Variants in WDR82 observed in about 807,000 individuals in gnomAD.
The protein encoded by WDR82 is WD repeat-containing protein 82.
A neutral mutation model predicts 36.1 loss-of-function variants in WDR82; 8 were observed. That is an observed-to-expected ratio of 0.22 (90% CI 0.13 to 0.40). The LOEUF (loss-of-function observed/expected upper bound fraction) is 0.40. Among genes scored for constraint, WDR82 ranks in the 10% least tolerant of loss-of-function variants. WDR82 has a pLI of 1.00. For missense variants in WDR82, 185 were observed against 400.5 expected (o/e 0.46, Z 4.59); for synonymous variants, 129 against 137.8 (o/e 0.94, Z 0.45).
At chr3:52,263,905 T>C (rs1286868252) in intron 3 of WDR82, among the ~76,000 whole-genome samples, 1 of 152,248 alleles carries the variant, frequency 6.6e-6, no homozygotes, top group Non-Finnish European at 1.5e-5. Context: ...GGCTCATGCC[T>C]GTAATCCCAG....
chr3:52,264,920 T>C (rs1700092190), intron 3 of WDR82, among the ~76,000 whole-genome samples: 1 of 151,970 alleles, frequency 6.6e-6, no homozygotes, highest in South Asian at 2.1e-4. Context: ...CCTCCCAAAG[T>C]GCTGATAACA....
rs557708049 is a variant in WDR82, at chr3:52,270,631, A to C, written c.259+81T>G. 66 of 1,068,028 alleles carry C rather than the reference A, an allele frequency of 6.2e-5. 1 individual carries two copies. In the African/African-American group the frequency reaches 9.8e-4, roughly 16 times the overall value. 66.2% of individuals were successfully genotyped at this position (1,068,028 alleles called of 1,614,324 possible). ...AAATACTTAAACTAAAGTAGTCACA[A>C]AGCAGAAGTAGTCACAAAGATTCCA... On this transcript the variant is annotated intron_variant, in intron 2 of 8. Coordinates refer to ENST00000296490, the MANE Select transcript of WDR82 (RefSeq NM_025222.4).
At position 52,259,079 on chromosome 3, in the gene WDR82, C is replaced by T. The variant is rs952465251; in HGVS notation, c.769+118G>A. On this transcript the variant is annotated intron_variant, in intron 7 of 8. Coordinates refer to ENST00000296490, the MANE Select transcript of WDR82 (RefSeq NM_025222.4). Reference sequence around the variant, plus strand: ...GACACTATGTCCTTGGCATAATGTGCTATACAGAAATCTAAGAACATCTAT... The same window carrying T: ...GACACTATGTCCTTGGCATAATGTGTTATACAGAAATCTAAGAACATCTAT... 1.1e-5 allele frequency: 13 copies of T among 1,180,958 alleles called. No individual in the cohort carries two copies. The Admixed American group carries it at 1.3e-4, about 12-fold the overall frequency. The allele number at this position is 1,180,958 out of a possible 1,614,324, so 73.2% of individuals were successfully genotyped here.
intron 6 of WDR82, 42 bp from the exon 7 acceptor site, chr3:52,259,308 T>C: frequency 3.1e-6 from 5 of 1,600,866 alleles, no homozygotes; most frequent in Non-Finnish European, 4.3e-6. Flanking sequence ...TACAGAGCCA[T>C]TAATAAAAAC....
chr3:52,255,769 T>A lies in WDR82; in HGVS notation c.*1721A>T, dbSNP rs1233142235. ...CTGCAAGGAGTGTTGCCTGCATAAA[T>A]GTTTGTTTAGGAACTTAGTAAAATG... On this transcript the variant is annotated 3_prime_UTR_variant, in exon 9 of 9. Coordinates refer to ENST00000296490, the MANE Select transcript of WDR82 (RefSeq NM_025222.4). 6.6e-6 allele frequency: 1 copy of A among 152,206 alleles called. No individual in the cohort carries two copies. Among genetic ancestry groups the A allele is most frequent in the East Asian group, 1.9e-4 (1 of 5,198 alleles). 9.4% of individuals were successfully genotyped at this position (152,206 alleles called of 1,614,324 possible).
In WDR82 at chr3:52,256,698, C is replaced by T. The variant is rs1251936384; in HGVS notation, c.*792G>A. On this transcript the variant is annotated 3_prime_UTR_variant, in exon 9 of 9. Coordinates refer to ENST00000296490, the MANE Select transcript of WDR82 (RefSeq NM_025222.4). ...AAGCTTGGTAGGCACCCAGGAGGAC[C>T]GTGGGTTTGTCTTGATGACAGGGCA... is the stretch of plus-strand genomic sequence containing the variant. 5 of 153,728 alleles carry T rather than the reference C, an allele frequency of 3.3e-5. No individual in the cohort carries two copies. Among genetic ancestry groups the T allele is most frequent in the African/African-American group, 9.7e-5 (4 of 41,434 alleles). The allele number at this position is 153,728 out of a possible 1,614,324, so 9.5% of individuals were successfully genotyped here. A position where few individuals can be genotyped will look rare whatever the true frequency, so the allele number is the denominator to read the frequency against.
chr3:52,263,704 T>A (rs1700080853), intron 3 of WDR82, among the ~76,000 whole-genome samples: 1 of 152,092 alleles, frequency 6.6e-6, no homozygotes, highest in Non-Finnish European at 1.5e-5. Flanking sequence ...AAGAGTGAAC[T>A]AACAACAGAT....
At chr3:52,260,778 G>A (rs1253892235) in intron 4 of WDR82, among the ~76,000 whole-genome samples, 1 of 152,208 alleles carries the variant, frequency 6.6e-6, no homozygotes, top group Non-Finnish European at 1.5e-5. Flanking sequence ...CAATATTACA[G>A]ACACAGAATT....
intron 1 of WDR82, among the ~76,000 whole-genome samples, chr3:52,275,904 G>A (rs891550337): frequency 1.3e-5 from 2 of 152,030 alleles, no homozygotes; most frequent in African/African-American, 2.4e-5. Flanking sequence ...GAAAATCCAT[G>A]TTGAAGTGTT....
intron 2 of WDR82, among the ~76,000 whole-genome samples, chr3:52,269,703 C>T (rs905570801): frequency 6.6e-6 from 1 of 152,062 alleles, no homozygotes; most frequent in Non-Finnish European, 1.5e-5. Flanking sequence ...GCACTCCAGC[C>T]TAGGCAACAG....
chr3:52,266,384 TAG>T (rs948222710), intron 3 of WDR82, among the ~76,000 whole-genome samples: 2 of 152,100 alleles, frequency 1.3e-5, no homozygotes, highest in Admixed American at 6.5e-5. Flanking sequence ...TATATAAAAC[TAG>T]AAATATATAT....
At chr3:52,259,460 G>C (rs1289856085) in intron 6 of WDR82, among the ~76,000 whole-genome samples, 194 bp from the exon 7 acceptor site, 1 of 152,100 alleles carries the variant, frequency 6.6e-6, no homozygotes, top group African/African-American at 2.4e-5. Context: ...CTGTATTCAA[G>C]GCATACTCAA....
chr3:52,277,797 G>A (rs1381883721), intron 1 of WDR82, among the ~76,000 whole-genome samples: 2 of 152,232 alleles, frequency 1.3e-5, no homozygotes, highest in Admixed American at 1.3e-4. Flanking sequence ...CGCTGCCGAA[G>A]GAGGCAGAAA....
intron 2 of WDR82, chr3:52,268,070 T>C (rs574009557): frequency 2.2e-5 from 6 of 276,562 alleles, no homozygotes; most frequent in African/African-American, 1.1e-4. Flanking sequence ...ATTTGTATAT[T>C]CCATAACTTG....
chr3:52,266,863 G>T, intron 3 of WDR82, 89 bp downstream of exon 3: 2 of 1,108,292 alleles, frequency 1.8e-6, no homozygotes, highest in Non-Finnish European at 2.7e-6. Flanking sequence ...AGTAGCTTCA[G>T]TTCACTAATA....
At chr3:52,265,417 G>A (rs1206318328) in intron 3 of WDR82, among the ~76,000 whole-genome samples, 1 of 147,392 alleles carries the variant, frequency 6.8e-6, no homozygotes, top group Non-Finnish European at 1.5e-5. Flanking sequence ...ATTACAAATA[G>A]TACATTTGTG....
intron 3 of WDR82, among the ~76,000 whole-genome samples, chr3:52,266,688 G>A (rs929746962): frequency 3.3e-5 from 5 of 152,188 alleles, no homozygotes; most frequent in East Asian, 1.9e-4. Context: ...TCCGCCCGCC[G>A]CGGCCTCCCA....
At chr3:52,268,258 G>A (rs1437287082) in intron 2 of WDR82, 1 of 467,338 alleles carries the variant, frequency 2.1e-6, no homozygotes, top group South Asian at 1.6e-5. Flanking sequence ...AGCCCCACTT[G>A]GCAGCTGGCG....
At position 52,278,406 on chromosome 3, in the gene WDR82, G is replaced by C. The variant is rs1347929275; in HGVS notation, c.-45C>G. The C allele has an allele frequency of 7.8e-7, 1 of 1,278,604 alleles. No individual in the cohort carries two copies. Among genetic ancestry groups the C allele is most frequent in the Non-Finnish European group, 9.9e-7 (1 of 1,007,606 alleles). The allele number at this position is 1,278,604 out of a possible 1,614,324, so 79.2% of individuals were successfully genotyped here. On this transcript the variant is annotated 5_prime_UTR_variant, in exon 1 of 9. Transcript: ENST00000296490. ...AGCGGCGGCGCAGGGCCGGGGCGGG[G>C]CCCGGCGGCGAGCGGGCGGGCTGCC...
Sources: allele counts gnomAD v4.1 joint callset (sites outside exome capture counted in the v4.1 genomes callset), GRCh38; gene constraint gnomAD v4.1.1; transcripts MANE v1.5; gene names NCBI Gene and HGNC (gene_info 2026-07-23, HGNC 2026-07-21).